Variants in HSPG2 observed in about 807,000 individuals in gnomAD.
The protein encoded by HSPG2 is basement membrane-specific heparan sulfate proteoglycan core protein.
In HSPG2, 278 loss-of-function variants were observed where a neutral mutation model predicts 526.6. That is an observed-to-expected ratio of 0.53 (90% CI 0.48 to 0.58). The LOEUF (loss-of-function observed/expected upper bound fraction) is 0.58. Ranked by LOEUF, HSPG2 falls within the 20% of genes least tolerant of loss-of-function variation. The pLI is 0.00. For missense variants in HSPG2, 5,354 were observed against 6,099.5 expected (o/e 0.88, Z 4.07); for synonymous variants, 2,465 against 2,555.4 (o/e 0.96, Z 1.07).
intron 3 of HSPG2, among the ~76,000 whole-genome samples, chr1:21,894,508 C>T (rs1420011238): frequency 1.3e-5 from 2 of 152,164 alleles, no homozygotes; most frequent in Admixed American, 6.5e-5. Context: ...GTCTGAGGCC[C>T]CACCTGTTCC....
intron 39 of HSPG2, among the ~76,000 whole-genome samples, chr1:21,860,966 G>A (rs374625045): frequency 2.1e-4 from 32 of 152,320 alleles, no homozygotes; most frequent in African/African-American, 7.5e-4. Context: ...GCAGAGGAGG[G>A]CACTGGCCCA....
At chr1:21,921,409 C>T (rs1468313836) in intron 1 of HSPG2, among the ~76,000 whole-genome samples, 7 of 152,168 alleles carry the variant, frequency 4.6e-5, no homozygotes, top group Admixed American at 4.6e-4. Context: ...TGTTACTATA[C>T]CAGAGTTCAC....
At position 21,889,929 on chromosome 1, in the gene HSPG2, G is replaced by A. The variant is rs41307818; in HGVS notation, c.574+52C>T. ...GGAGCCTATGGCAGAGACACTGAAA[G>A]GGGACCCCACGAGTCTGGAGGAGGC... is the stretch of plus-strand genomic sequence containing the variant. On this transcript the variant is annotated intron_variant, in intron 6 of 96. Coordinates refer to ENST00000374695, the MANE Select transcript of HSPG2 (RefSeq NM_005529.7). 37,985 of 1,604,336 alleles carry A rather than the reference G, an allele frequency of 0.024. 598 individuals are homozygous for A. Among genetic ancestry groups the A allele is most frequent in the Non-Finnish European group, 0.028 (33,254 of 1,171,232 alleles).
chr1:21,848,106 GATGGCAGGAGGT>G lies in HSPG2; in HGVS notation c.7738-25_7738-14del. 1 of 1,577,096 alleles carries G rather than the reference GATGGCAGGAGGT, an allele frequency of 6.3e-7. No individual in the cohort carries two copies. On this transcript the variant is annotated splice_polypyrimidine_tract_variant and intron_variant, in intron 59 of 96. Coordinates refer to ENST00000374695, the MANE Select transcript of HSPG2 (RefSeq NM_005529.7). The surrounding 1 kb of genome is among the most constrained non-coding windows in gnomAD (Gnocchi z 4.9). ...GGGAGCCCACGATCTGCAGGAAGCAGATGGCAGGAGGTATGGCAGTAGGTGTGGGCAGCTCCT... is the reference window on the plus strand; with the variant it reads ...GGGAGCCCACGATCTGCAGGAAGCAGATGGCAGTAGGTGTGGGCAGCTCCT...
chr1:21,908,617 TAAA>T lies in HSPG2; in HGVS notation c.64-12310_64-12308del, dbSNP rs375057444. The T allele has an allele frequency of 7.7e-5, 39 of 508,770 alleles. 1 individual carries two copies. The highest frequency in any genetic ancestry group is 5.7e-4 in the South Asian group (25 of 43,582). The allele number at this position is 508,770 out of a possible 1,614,324, so 31.5% of individuals were successfully genotyped here. A position where few individuals can be genotyped will look rare whatever the true frequency, so the allele number is the denominator to read the frequency against. ...AAAAAAAAAAAGACCTCTGGGCTGT[TAAA>T]AAAAAAAAAGTGTTTGCTGTGATTA... On this transcript the variant is annotated intron_variant, in intron 1 of 96. Transcript: ENST00000374695.
chr1:21,921,078 G>GT (rs1324634716), intron 1 of HSPG2, among the ~76,000 whole-genome samples: 1 of 152,160 alleles, frequency 6.6e-6, no homozygotes, highest in African/African-American at 2.4e-5. Context: ...CATTCCCCAG[G>GT]TATTAATTGT....
rs1169760292 is a variant in HSPG2, at chr1:21,835,524, G to A, written c.10453+16C>T. ...TGTTCCCTGCTCTTAGCAGAGGCCT[G>A]AAGCCACCCTCCTACCTTGGATAAC... is the stretch of plus-strand genomic sequence containing the variant. On this transcript the variant is annotated intron_variant, in intron 76 of 96. Coordinates refer to ENST00000374695, the MANE Select transcript of HSPG2 (RefSeq NM_005529.7). 4 of 1,586,492 alleles carry A rather than the reference G, an allele frequency of 2.5e-6. No homozygotes were observed. Among genetic ancestry groups the A allele is most frequent in the Non-Finnish European group, 1.7e-6 (2 of 1,155,116 alleles).
chr1:21,855,200 C>T (rs1210156498), intron 47 of HSPG2, 104 bp downstream of exon 47: 1 of 1,455,100 alleles, frequency 6.9e-7, no homozygotes, highest in African/African-American at 1.4e-5. Context: ...TGAAGGGAGC[C>T]ACAGAGGAGG....
chr1:21,885,431 C>A lies in HSPG2; in HGVS notation c.1099G>T (p.Val367Leu). 1 of 1,614,082 alleles carries A rather than the reference C, an allele frequency of 6.2e-7. No homozygotes were observed. Among genetic ancestry groups the A allele is most frequent in the Non-Finnish European group, 8.5e-7 (1 of 1,179,972 alleles). ...ANCPTKRPEE[V>L]CGPTQFRCVS... is the part of the protein sequence containing the mutation. ...CATCGGAACTGTGTGGGCCCGCACA[C>A]TTCCTCAGGACGCTTGGTGGCTGGG... The change falls in exon 10 of 97, where the codon GTG (valine) becomes TTG (leucine). Residue 367 changes from valine to leucine, a missense_variant. Coordinates refer to ENST00000374695, the MANE Select transcript of HSPG2 (RefSeq NM_005529.7).
chr1:21,838,151 A>G (rs1399814833), intron 74 of HSPG2, among the ~76,000 whole-genome samples: 2 of 150,468 alleles, frequency 1.3e-5, no homozygotes, highest in Non-Finnish European at 1.5e-5. Flanking sequence ...AAAAAAAAAA[A>G]AAAAAAAGAA....
At chr1:21,879,582 A>C (rs1641343407) in intron 17 of HSPG2, among the ~76,000 whole-genome samples, 1 of 151,420 alleles carries the variant, frequency 6.6e-6, no homozygotes, top group South Asian at 2.1e-4. Flanking sequence ...TTCATTTGGC[A>C]CTCTCCAGGA....
Position 21,823,475 on chromosome 1 carries a change from G to C in HSPG2, c.13017C>G (p.Asp4339Glu). The change falls in exon 97 of 97, where the codon GAC becomes GAG. Residue 4339 changes from aspartate (D) to glutamate (E), a missense_variant. Asp to Glu is a conservative substitution (Grantham distance 45). Transcript: ENST00000374695. ...KGSVYIGGAP[D>E]VATLTGGRFS... ...ATCTGCCCCCGGTCAGCGTGGCCAC[G>C]TCAGGGGCTCCGCCTGCCGGGAGGT... The C allele has an allele frequency of 6.2e-7, 1 of 1,600,062 alleles. No individual in the cohort carries two copies. Among genetic ancestry groups the C allele is most frequent in the Non-Finnish European group, 8.5e-7 (1 of 1,177,268 alleles).
rs1557709512 is a variant in HSPG2 at position 21,848,451 on chromosome 1, G to T, written c.7737+192C>A. Reference sequence around the variant, plus strand: ...CAGCTTTTCAGTGAGATTTGGTGCAGAAGTGGATCTCCCTGAGGTCAGGGA... The same window carrying T: ...CAGCTTTTCAGTGAGATTTGGTGCATAAGTGGATCTCCCTGAGGTCAGGGA... On this transcript the variant is annotated intron_variant, in intron 59 of 96. Coordinates refer to ENST00000374695, the MANE Select transcript of HSPG2 (RefSeq NM_005529.7). This position sits in a 1 kb window ranked among gnomAD's most constrained non-coding sequence, Gnocchi z 4.9. Among the ~76,000 whole-genome samples the T allele has an allele frequency of 6.6e-6, 1 of 152,184 alleles. No individual in the cohort carries two copies. The highest frequency in any genetic ancestry group is 1.9e-4 in the East Asian group (1 of 5,190).
intron 64 of HSPG2, among the ~76,000 whole-genome samples, chr1:21,845,351 C>T (rs961516400): frequency 2.0e-5 from 3 of 152,088 alleles, no homozygotes; most frequent in African/African-American, 7.2e-5. Context: ...CCTTATATGC[C>T]ACCAGTACTA....
Position 21,836,896 on chromosome 1 carries a change from A to G in HSPG2, c.10261T>C (p.Cys3421Arg). Residue 3421 changes from cysteine (C) to arginine (R), a missense_variant, in exon 75 of 97, where the codon TGT (cysteine) becomes CGT (arginine). Physicochemically the swap from Cys to Arg is radical, Grantham distance 180. Transcript: ENST00000374695. ...GTACCCCGGTCGCTGGGCACAGCAC[A>G]GTGGAACTCAACGCTGGCCCCAATG... is the stretch of plus-strand genomic sequence containing the variant. Reference protein sequence around the residue: ...KSIGASVEFHCAVPSDRGTQL... With the variant: ...KSIGASVEFHRAVPSDRGTQL... 6.4e-7 allele frequency: 1 copy of G among 1,569,358 alleles called. No individual in the cohort carries two copies. Among genetic ancestry groups the G allele is most frequent in the Non-Finnish European group, 8.6e-7 (1 of 1,156,904 alleles).
chr1:21,831,275 G>A lies in HSPG2; in HGVS notation c.11502C>T (p.Asp3834=), dbSNP rs751697950. ...AGATGCCGTGCGCCGTGAGGTTGAG[G>A]TCATGGAAGACGATCTCCTCGCCCT... The part of the protein sequence containing the change: ...RIQGEEIVFH[D]LNLTAHGISH... The change falls in exon 84 of 97, where the codon GAC becomes GAT. Residue 3834 remains aspartate (D), a synonymous_variant. Transcript: ENST00000374695. 6.8e-6 allele frequency: 11 copies of A among 1,613,938 alleles called. No individual in the cohort carries two copies. The highest frequency in any genetic ancestry group is 2.7e-5 in the African/African-American group (2 of 74,886).
intron 91 of HSPG2, among the ~76,000 whole-genome samples, chr1:21,826,212 G>A (rs1387187042): frequency 6.6e-6 from 1 of 152,052 alleles, no homozygotes; most frequent in East Asian, 1.9e-4. Flanking sequence ...TGGGACCATA[G>A]CCATGTGCCA....
intron 53 of HSPG2, 31 bp from the exon 54 acceptor site, chr1:21,851,957 G>C (rs1204065677): frequency 6.2e-7 from 1 of 1,604,578 alleles, no homozygotes; most frequent in South Asian, 1.1e-5. Context: ...GTGTGAGGGG[G>C]GCTTCCCGGA....
Position 21,865,915 on chromosome 1 carries a change from C to A in HSPG2, c.4222-106G>T. The A allele has an allele frequency of 1.2e-6, 1 of 817,708 alleles. No individual in the cohort carries two copies. The highest frequency in any genetic ancestry group is 2.1e-6 in the Non-Finnish European group (1 of 475,744). The allele number at this position is 817,708 out of a possible 1,614,324, so 50.7% of individuals were successfully genotyped here. A position where few individuals can be genotyped will look rare whatever the true frequency, so the allele number is the denominator to read the frequency against. On this transcript the variant is annotated intron_variant, in intron 33 of 96. Coordinates refer to ENST00000374695, the MANE Select transcript of HSPG2 (RefSeq NM_005529.7). This position sits in a 1 kb window ranked among gnomAD's most constrained non-coding sequence, Gnocchi z 5.4. ...TGGCGGCCTTTTTGCACCTGTGCCA[C>A]ACTCCCCCACCCCCCTCCCTGCCCA...
Sources: allele counts gnomAD v4.1 joint callset (sites outside exome capture counted in the v4.1 genomes callset), GRCh38; gene constraint gnomAD v4.1.1; non-coding constraint Gnocchi (gnomAD v3.1); transcripts MANE v1.5; gene names NCBI Gene and HGNC (gene_info 2026-07-23, HGNC 2026-07-21).